The following PROK2 variants were observed in gnomAD, a reference collection of about 807,000 sequenced individuals.
PROK2 encodes the protein prokineticin 2.
Under a neutral mutation model 14.2 loss-of-function variants are expected in PROK2, and 8 were observed. That is an observed-to-expected ratio of 0.56 (90% confidence interval 0.33 to 1.02). PROK2 has a LOEUF of 1.02. Among genes scored for constraint, PROK2 ranks in the 50% least tolerant of loss-of-function variants. PROK2 has a pLI of 0.03. For synonymous variants in PROK2, 59 were observed against 60.7 expected (o/e 0.97, Z 0.13); for missense variants, 154 against 160.4 (o/e 0.96, Z 0.22).
intron 3 of PROK2, among the ~76,000 whole-genome samples, chr3:71,773,083 G>A (rs1271130863): frequency 1.1e-4 from 16 of 152,170 alleles, no homozygotes; most frequent in Admixed American, 9.2e-4. Flanking sequence ...GTGTTCAAGC[G>A]ATTCTTCTGC....
chr3:71,778,386 A>C (rs987902101), intron 2 of PROK2, among the ~76,000 whole-genome samples: 3 of 152,126 alleles, frequency 2.0e-5, no homozygotes, highest in African/African-American at 7.2e-5. Context: ...AAAACTATAC[A>C]ATTATAAAAC....
chr3:71,771,775 C>T lies in PROK2; in HGVS notation c.*949G>A, dbSNP rs866140716. On this transcript the variant is annotated 3_prime_UTR_variant, in exon 4 of 4. Transcript: ENST00000295619. ...GGTACAAACGGCAATCCATTACAAT[C>T]GACCTTTCAGTTACAAACAAGGTTT... 1.3e-5 allele frequency: 2 copies of T among 152,592 alleles called. No homozygotes were observed. Among genetic ancestry groups the T allele is most frequent in the African/African-American group, 4.8e-5 (2 of 41,428 alleles). 9.5% of individuals were successfully genotyped at this position (152,592 alleles called of 1,614,324 possible). A position where few individuals can be genotyped will look rare whatever the true frequency, so the allele number is the denominator to read the frequency against.
chr3:71,784,938 G>A lies in PROK2; in HGVS notation c.96+19C>T, dbSNP rs542092286. 1.8e-5 allele frequency: 22 copies of A among 1,240,592 alleles called. No homozygotes were observed. The East Asian group carries it at 6.9e-4, about 39-fold the overall frequency. 76.8% of individuals were successfully genotyped at this position (1,240,592 alleles called of 1,614,324 possible). A position where few individuals can be genotyped will look rare whatever the true frequency, so the allele number is the denominator to read the frequency against. ...CCAGGCGCGCATCAGGGGCAGACAG[G>A]TGCGCCCGGGCCGCTTACCCCGGTG... On this transcript the variant is annotated intron_variant, in intron 1 of 3. Transcript: ENST00000295619.
At chr3:71,777,587 C>G (rs2050129488) in intron 2 of PROK2, among the ~76,000 whole-genome samples, 1 of 151,704 alleles carries the variant, frequency 6.6e-6, no homozygotes, top group Admixed American at 6.6e-5. Flanking sequence ...TTTAAAAAAA[C>G]CTGGTGCTAA....
chr3:71,783,466 A>G (rs1198631969), intron 1 of PROK2, among the ~76,000 whole-genome samples: 1 of 152,242 alleles, frequency 6.6e-6, no homozygotes, highest in African/African-American at 2.4e-5. Flanking sequence ...AGCCAATGTG[A>G]TAAAATTTTA....
chr3:71,782,898 G>C (rs986552474), intron 1 of PROK2, among the ~76,000 whole-genome samples: 1 of 152,088 alleles, frequency 6.6e-6, no homozygotes, highest in Non-Finnish European at 1.5e-5. Flanking sequence ...TTCACCTTGA[G>C]GTGTTTGGAT....
rs543805431 is a variant in PROK2, at chr3:71,775,563, G to A, written c.223-1056C>T. ...GTGCGCCATGGGTCAGGTCTCAGAAGGCATCATGTATGAATGTCATCCCAA... is the reference window on the plus strand; with the variant it reads ...GTGCGCCATGGGTCAGGTCTCAGAAAGCATCATGTATGAATGTCATCCCAA... On this transcript the variant is annotated intron_variant, in intron 2 of 3. Transcript: ENST00000295619. Among the ~76,000 whole-genome samples, 7 of 152,296 alleles carry A rather than the reference G, an allele frequency of 4.6e-5. No homozygotes were observed. In the South Asian group the frequency reaches 1.5e-3, roughly 32 times the overall value.
chr3:71,784,830 G>A (rs1354395336), intron 1 of PROK2, 127 bp downstream of exon 1: 4 of 763,624 alleles, frequency 5.2e-6, no homozygotes, highest in Non-Finnish European at 5.3e-6. Context: ...GGCGACAGGG[G>A]CAGGTGTCCC....
chr3:71,778,624 A>G (rs569697005), intron 2 of PROK2, among the ~76,000 whole-genome samples: 1 of 152,244 alleles, frequency 6.6e-6, no homozygotes, highest in African/African-American at 2.4e-5. Context: ...TCTACTAATG[A>G]GTCATTAAAC....
At position 71,781,605 on chromosome 3, in the gene PROK2, A is replaced by G. The variant is rs1206958056; in HGVS notation, c.97-13T>C. ...CCTTGTCACAAGCCTGAAATGTAAT[A>G]AACAAACAGATAAATATAGATAACA... On this transcript the variant is annotated splice_polypyrimidine_tract_variant and intron_variant, in intron 1 of 3. Transcript: ENST00000295619. 6.2e-7 allele frequency: 1 copy of G among 1,607,542 alleles called. No individual in the cohort carries two copies. Among genetic ancestry groups the G allele is most frequent in the Non-Finnish European group, 8.5e-7 (1 of 1,174,002 alleles).
At chr3:71,774,618 G>A in intron 2 of PROK2, 111 bp from the exon 3 acceptor site, 1 of 1,373,040 alleles carries the variant, frequency 7.3e-7, no homozygotes, top group Non-Finnish European at 9.8e-7. Flanking sequence ...ATACAGCCAA[G>A]CCATCCCAGT....
intron 1 of PROK2, among the ~76,000 whole-genome samples, chr3:71,783,703 G>GA (rs1356869227): frequency 6.6e-6 from 1 of 152,152 alleles, no homozygotes; most frequent in South Asian, 2.1e-4. Flanking sequence ...AGAAGAGGGA[G>GA]AAAAAAATCC....
chr3:71,777,687 A>G (rs1440743258), intron 2 of PROK2, among the ~76,000 whole-genome samples: 1 of 152,200 alleles, frequency 6.6e-6, no homozygotes, highest in African/African-American at 2.4e-5. Flanking sequence ...TCAGAATACA[A>G]TAAGCAATAA....
intron 2 of PROK2, among the ~76,000 whole-genome samples, chr3:71,776,819 A>C (rs1578410038): frequency 6.6e-6 from 1 of 152,234 alleles, no homozygotes; most frequent in Admixed American, 6.5e-5. Context: ...AAGTGCTTAC[A>C]GAAGATGCAC....
chr3:71,776,904 C>A (rs1232554874), intron 2 of PROK2, among the ~76,000 whole-genome samples: 1 of 152,176 alleles, frequency 6.6e-6, no homozygotes, highest in Non-Finnish European at 1.5e-5. Context: ...TTCCAATAGC[C>A]TAGAATTCCA....
chr3:71,780,391 G>A (rs1014487386), intron 2 of PROK2, among the ~76,000 whole-genome samples: 1 of 152,232 alleles, frequency 6.6e-6, no homozygotes, highest in African/African-American at 2.4e-5. Flanking sequence ...TGGGAATGAT[G>A]TTTGGCTGTG....
chr3:71,773,734 T>C (rs1161349803), intron 3 of PROK2, among the ~76,000 whole-genome samples: 14 of 152,094 alleles, frequency 9.2e-5, no homozygotes, highest in Admixed American at 9.2e-4. Context: ...TAAATGGAAA[T>C]TGAGTAGCAG....
At chr3:71,772,871 A>G (rs2050091470) in intron 3 of PROK2, 43 bp from the exon 4 acceptor site, 1 of 1,531,772 alleles carries the variant, frequency 6.5e-7, no homozygotes, top group Non-Finnish European at 9.0e-7. Flanking sequence ...AAAGGTTTCA[A>G]AAACAAACAA....
At chr3:71,775,105 C>A (rs566585905) in intron 2 of PROK2, among the ~76,000 whole-genome samples, 2 of 152,100 alleles carry the variant, frequency 1.3e-5, no homozygotes, top group South Asian at 4.1e-4. Flanking sequence ...ACAACCCCTA[C>A]GACAAAGAAT....
Sources: gnomAD v4.1 joint callset for allele counts (sites outside exome capture counted in the v4.1 genomes callset) on GRCh38, gnomAD v4.1.1 for gene constraint, MANE v1.5 for transcripts, NCBI Gene and HGNC (gene_info 2026-07-23, HGNC 2026-07-21) for gene names.